The following ZNF273 variants were observed in gnomAD, a reference collection of about 807,000 sequenced individuals.
ZNF273 encodes zinc finger protein 273.
ZNF273 carries 11 observed loss-of-function variants against 14.9 expected under a neutral mutation model. The ratio of observed to expected loss-of-function variants is 0.74; its 90% CI spans 0.46 to 1.22. The LOEUF (loss-of-function observed/expected upper bound fraction) is 1.22, where lower values mean the gene tolerates loss of function less well. Ranked by LOEUF, ZNF273 falls within the 50% of genes most tolerant of loss-of-function variation. The probability of loss-of-function intolerance (pLI) is 0.00; values close to 1 mark genes in which losing one functional copy is unlikely to be tolerated. For synonymous variants in ZNF273, 199 were observed against 223.9 expected, an observed-to-expected ratio of 0.89 and a Z score of 0.99; for missense variants, 577 against 660.6, an observed-to-expected ratio of 0.87 and a Z score of 1.39.
upstream of ZNF273, among the ~76,000 whole-genome samples, chr7:64,901,410 A>G (rs1032503427): frequency 5.3e-5 from 8 of 152,208 alleles, no homozygotes; most frequent in Non-Finnish European, 8.8e-5. Flanking sequence ...TGGTGCAGAC[A>G]TGCTGATTTT....
At chr7:64,885,006 C>T (rs781769580) in intron 1 of ZNF273, among the ~76,000 whole-genome samples, 1 of 152,230 alleles carries the variant, frequency 6.6e-6, no homozygotes, top group Non-Finnish European at 1.5e-5. Flanking sequence ...CTCGCGGATT[C>T]GCATGCGCCA....
downstream of ZNF273, among the ~76,000 whole-genome samples, chr7:64,882,984 T>C (rs1051846205): frequency 1.1e-4 from 17 of 152,122 alleles, no homozygotes; most frequent in South Asian, 2.1e-4. Context: ...TGTGTGCGCG[T>C]GTGTGTGTTT....
At chr7:64,902,921 C>A (rs4717223), upstream of ZNF273, among the ~76,000 whole-genome samples, 61,745 of 151,620 alleles carry the variant, frequency 0.41, 12,735 homozygotes, top group South Asian at 0.45. Flanking sequence ...CAGTTCCCAG[C>A]TTGACTTTTC....
At chr7:64,887,607 C>T (rs917806262) in intron 1 of ZNF273, among the ~76,000 whole-genome samples, 23 of 152,296 alleles carry the variant, frequency 1.5e-4, no homozygotes, top group African/African-American at 5.5e-4. Context: ...AAGCGATTCT[C>T]CTGCCTCAGC....
upstream of ZNF273, chr7:64,903,253 C>T (rs545109735): frequency 0.01 from 13,700 of 1,366,600 alleles, 104 homozygotes; most frequent in Non-Finnish European, 0.012. Flanking sequence ...GGACGGCTTC[C>T]GGGATTTGGC....
upstream of ZNF273, among the ~76,000 whole-genome samples, chr7:64,898,726 A>T (rs1311015761): frequency 6.6e-6 from 1 of 152,206 alleles, no homozygotes; most frequent in African/African-American, 2.4e-5. Context: ...ACATTGAGTC[A>T]CTTAGGGGAA....
chr7:64,931,991 C>T (rs983357520), downstream of ZNF273, among the ~76,000 whole-genome samples: 12 of 152,032 alleles, frequency 7.9e-5, no homozygotes, highest in Non-Finnish European at 1.8e-4. Context: ...CATCACAGCT[C>T]TTCTTTTTCT....
At chr7:64,923,452 C>G (rs958463486) in intron 3 of ZNF273, 8 of 440,800 alleles carry the variant, frequency 1.8e-5, no homozygotes, top group African/African-American at 1.2e-4. Context: ...AGTGATTCTA[C>G]TGCCTCAGCC....
chr7:64,926,404 T>A (rs1329600120), intron 3 of ZNF273, among the ~76,000 whole-genome samples: 1 of 152,100 alleles, frequency 6.6e-6, no homozygotes, highest in Admixed American at 6.5e-5. Flanking sequence ...TTTCCTACTT[T>A]TAAAATTTTT....
chr7:64,906,471 G>T (rs1308608651), intron 1 of ZNF273, among the ~76,000 whole-genome samples: 3 of 150,342 alleles, frequency 2.0e-5, no homozygotes, highest in Non-Finnish European at 4.4e-5. Context: ...CACTGTGTTT[G>T]AGTAATTTTG....
At chr7:64,890,011 C>A (rs1230212571), downstream of ZNF273, 1 of 152,826 alleles carries the variant, frequency 6.5e-6, no homozygotes, top group African/African-American at 2.4e-5. Context: ...AGAGGCCCTG[C>A]AGTGGGGACT....
At chr7:64,935,991 A>T in the ZNF273 span, among the ~76,000 whole-genome samples, 3 of 152,224 alleles carry the variant, frequency 2.0e-5, no homozygotes, top group African/African-American at 7.2e-5. Context: ...TGCTTTGCTC[A>T]ATTATTAAGT....
upstream of ZNF273, among the ~76,000 whole-genome samples, chr7:64,902,801 A>G (rs1792813366): frequency 6.6e-6 from 1 of 152,184 alleles, no homozygotes; most frequent in Non-Finnish European, 1.5e-5. Context: ...AAATGGTTGC[A>G]TTCTTTTGAG....
chr7:64,888,427 A>C, intron 1 of ZNF273: 1 of 985,836 alleles, frequency 1.0e-6, no homozygotes, highest in Non-Finnish European at 1.2e-6. Context: ...GGGGCTGGAC[A>C]GGGAAGGGCC....
upstream of ZNF273, among the ~76,000 whole-genome samples, chr7:64,903,010 T>A (rs1257402973): frequency 1.3e-5 from 2 of 152,324 alleles, no homozygotes; most frequent in South Asian, 2.1e-4. Context: ...TAAATGCATA[T>A]GACCTTATAC....
chr7:64,881,111 C>T (rs1791240949), downstream of ZNF273, among the ~76,000 whole-genome samples: 1 of 152,216 alleles, frequency 6.6e-6, no homozygotes. Flanking sequence ...GCCGTCCAAA[C>T]CATAGCCCAG....
chr7:64,927,588 T>C, intron 3 of ZNF273, 66 bp from the exon 4 acceptor site: 2 of 1,366,934 alleles, frequency 1.5e-6, no homozygotes, highest in Non-Finnish European at 2.0e-6. Flanking sequence ...TTTTATAGGT[T>C]AGATTTGTAA....
intron 1 of ZNF273, among the ~76,000 whole-genome samples, chr7:64,912,441 C>A (rs1793587265): frequency 6.6e-6 from 1 of 152,164 alleles, no homozygotes; most frequent in Non-Finnish European, 1.5e-5. Flanking sequence ...TCATAGGTTT[C>A]TAAGAACTTG....
chr7:64,881,801 G>A (rs1562945453), downstream of ZNF273, among the ~76,000 whole-genome samples: 3 of 152,184 alleles, frequency 2.0e-5, no homozygotes. Context: ...GGATCCGTGA[G>A]CTTGACTTGG....
Sources: allele counts gnomAD v4.1 joint callset (sites outside exome capture counted in the v4.1 genomes callset), GRCh38; gene constraint gnomAD v4.1.1; transcripts MANE v1.5; gene names NCBI Gene and HGNC (gene_info 2026-07-23, HGNC 2026-07-21).